FNIP2: variants seen among roughly 807,000 people sequenced by gnomAD.
FNIP2 encodes the protein folliculin interacting protein 2.
A neutral mutation model predicts 108.7 loss-of-function variants in FNIP2; 32 were observed. That is an observed-to-expected ratio of 0.29 (90% CI 0.22 to 0.40). The LOEUF is 0.40. FNIP2 is among the 10% of genes least tolerant of loss of function. The pLI, the probability that FNIP2 is intolerant of heterozygous loss-of-function variation, is 1.00. For missense variants in FNIP2, 1,202 were observed against 1,381.6 expected, an observed-to-expected ratio of 0.87 and a Z score of 2.06; for synonymous variants, 480 against 496.7, an observed-to-expected ratio of 0.97 and a Z score of 0.45.
intron 1 of FNIP2, among the ~76,000 whole-genome samples, chr4:158,784,958 A>AT (rs1776173251): frequency 6.6e-6 from 1 of 152,210 alleles, no homozygotes; most frequent in South Asian, 2.1e-4. Flanking sequence ...CCTGTAGTGT[A>AT]TAGCATAATA....
chr4:158,884,681 G>A (rs1397177362), intron 14 of FNIP2, among the ~76,000 whole-genome samples: 1 of 152,072 alleles, frequency 6.6e-6, no homozygotes, highest in Non-Finnish European at 1.5e-5. Flanking sequence ...CCCAAGACTG[G>A]GTAATTTATA....
chr4:158,816,377 T>G (rs1270092073), intron 1 of FNIP2, among the ~76,000 whole-genome samples: 1 of 152,232 alleles, frequency 6.6e-6, no homozygotes, highest in Non-Finnish European at 1.5e-5. Context: ...GGGAAAGATA[T>G]GAAATCATCT....
Position 158,870,332 on chromosome 4 carries a change from C to A in FNIP2, c.2812C>A (p.Gln938Lys). The change falls in exon 14 of 17, where the codon CAG (glutamine) becomes AAG (lysine). Residue 938 changes from glutamine (Q) to lysine (K), a missense_variant. By Grantham distance (53) the Gln-to-Lys change is moderately conservative (BLOSUM62 1). Around this residue, in one of 5 missense-constraint regions of FNIP2, gnomAD observed 878 missense variants for 990.3 expected, o/e 0.89. Coordinates refer to ENST00000264433, the MANE Select transcript of FNIP2 (RefSeq NM_020840.3). The stretch of plus-strand genomic sequence containing the variant: ...TTTTAGGTCTCAGAGCATCAGCACC[C>A]AGAATGTAAGGAACTTTGGCCGCTC... Reference protein sequence around the residue: ...PLPRSQSISTQNVRNFGRSLL... With the variant: ...PLPRSQSISTKNVRNFGRSLL... The A allele has an allele frequency of 6.2e-7, 1 of 1,613,810 alleles. No individual in the cohort carries two copies. Among genetic ancestry groups the A allele is most frequent in the Admixed American group, 1.7e-5 (1 of 60,016 alleles).
In FNIP2 at chr4:158,851,408, G is replaced by A. The variant is rs1256373490; in HGVS notation, c.815G>A (p.Arg272Gln). ...SSSSYQRRWL[R>Q]SQTTSLENGI... Reference sequence around the variant, plus strand: ...AGCAGTTACCAGCGCCGCTGGCTTCGAAGTCAGACAACAAGTTTGGAAAAT... The same window carrying A: ...AGCAGTTACCAGCGCCGCTGGCTTCAAAGTCAGACAACAAGTTTGGAAAAT... The change falls in exon 8 of 17, where the codon CGA (arginine) becomes CAA (glutamine). Residue 272 changes from arginine to glutamine, a missense_variant. Coordinates refer to ENST00000264433, the MANE Select transcript of FNIP2 (RefSeq NM_020840.3). The A allele has an allele frequency of 3.1e-6, 5 of 1,613,876 alleles. No individual in the cohort carries two copies. The highest frequency in any genetic ancestry group is 2.2e-5 in the East Asian group (1 of 44,884).
chr4:158,859,598 A>G lies in FNIP2; in HGVS notation c.1080A>G (p.Lys360=). 6.2e-7 allele frequency: 1 copy of G among 1,613,434 alleles called. No individual in the cohort carries two copies. The highest frequency in any genetic ancestry group is 8.5e-7 in the Non-Finnish European group (1 of 1,179,626). ...AIEKAMISCR[K]IAESSLRVQF... is the part of the protein sequence containing the mutation. ...TAAAGGCTATGATCTCCTGTAGGAA[A>G]ATAGCAGAATCAAGTCTCCGAGTCC... The change falls in exon 10 of 17, where the codon AAA becomes AAG. Residue 360 remains lysine, a synonymous_variant. Transcript: ENST00000264433.
intron 9 of FNIP2, 52 bp downstream of exon 9, chr4:158,859,310 A>G (rs978341381): frequency 6.6e-7 from 1 of 1,519,800 alleles, no homozygotes; most frequent in African/African-American, 1.4e-5. Context: ...TGGGGCTTTG[A>G]AGATGGCAGA....
chr4:158,904,320 CATCT>C (rs1729634378), intron 16 of FNIP2, 142 bp from the exon 17 acceptor site: 1 of 659,716 alleles, frequency 1.5e-6, no homozygotes, highest in Non-Finnish European at 2.6e-6. Context: ...ATTATCCTTC[CATCT>C]GTTTTGCTTT....
At chr4:158,858,383 A>G (rs1780105457) in intron 8 of FNIP2, among the ~76,000 whole-genome samples, 2 of 152,204 alleles carry the variant, frequency 1.3e-5, no homozygotes, top group African/African-American at 4.8e-5. Context: ...TGGTTAGGCC[A>G]TTTTTGTGAG....
At chr4:158,849,498 T>C (rs1324967330) in intron 7 of FNIP2, among the ~76,000 whole-genome samples, 1 of 152,136 alleles carries the variant, frequency 6.6e-6, no homozygotes, top group Non-Finnish European at 1.5e-5. Flanking sequence ...CTGCCAGAAG[T>C]TGATTTGCTC....
intron 1 of FNIP2, among the ~76,000 whole-genome samples, chr4:158,787,459 A>T (rs1776260606): frequency 6.6e-6 from 1 of 152,206 alleles, no homozygotes; most frequent in Non-Finnish European, 1.5e-5. Flanking sequence ...TTTATTTCCC[A>T]AAGCAGTTAT....
chr4:158,848,523 T>C (rs1242613441), intron 7 of FNIP2, among the ~76,000 whole-genome samples: 1 of 152,154 alleles, frequency 6.6e-6, no homozygotes, highest in African/African-American at 2.4e-5. Flanking sequence ...AAGCCCAGAT[T>C]GTGAAGACTA....
intron 1 of FNIP2, among the ~76,000 whole-genome samples, chr4:158,770,444 A>C (rs1046672176): frequency 6.6e-6 from 1 of 152,206 alleles, no homozygotes; most frequent in African/African-American, 2.4e-5. Context: ...AAAAGTTTCA[A>C]GTGAAACTTT....
intron 16 of FNIP2, 97 bp from the exon 17 acceptor site, chr4:158,904,369 G>T: frequency 9.3e-7 from 1 of 1,076,090 alleles, no homozygotes; most frequent in South Asian, 1.3e-5. Flanking sequence ...ATCAAACTTA[G>T]TACCTAGAAA....
intron 1 of FNIP2, among the ~76,000 whole-genome samples, chr4:158,818,509 G>A (rs1407049658): frequency 6.6e-6 from 1 of 152,194 alleles, no homozygotes; most frequent in Non-Finnish European, 1.5e-5. Flanking sequence ...ACTGATGTGA[G>A]GCTGTTTATA....
chr4:158,896,512 C>T (rs1177771062), intron 16 of FNIP2, among the ~76,000 whole-genome samples: 5 of 152,110 alleles, frequency 3.3e-5, no homozygotes, highest in Non-Finnish European at 7.4e-5. Context: ...GGAACTGCCC[C>T]CGCTTATCCA....
At position 158,868,886 on chromosome 4, in the gene FNIP2, G is replaced by A. The variant is rs1780751792; in HGVS notation, c.2250G>A (p.Glu750=). The change falls in exon 13 of 17, where the codon GAG becomes GAA. Residue 750 remains glutamate (E), a synonymous_variant. Coordinates refer to ENST00000264433, the MANE Select transcript of FNIP2 (RefSeq NM_020840.3). The surrounding 1 kb of genome is among the most constrained non-coding windows in gnomAD (Gnocchi z 4.6). ...TGAAGGCCTGTGGCCCCTCCTTGGA[G>A]GCCAGTGAGGCTGCTGATGTGGCTC... ...ERVKACGPSL[E]ASEAADVAQD... The A allele has an allele frequency of 6.2e-7, 1 of 1,613,874 alleles. No individual in the cohort carries two copies. The highest frequency in any genetic ancestry group is 8.5e-7 in the Non-Finnish European group (1 of 1,179,884).
chr4:158,859,524 G>A, intron 9 of FNIP2, 54 bp from the exon 10 acceptor site: 1 of 1,440,074 alleles, frequency 6.9e-7, no homozygotes, highest in Non-Finnish European at 9.6e-7. Flanking sequence ...CAGCCCAGTA[G>A]ATAAGTTATA....
In FNIP2 at chr4:158,783,751, A is replaced by G. The variant is rs6816709; in HGVS notation, c.107+14432A>G. ...CATTGCTCTAGGCTCTAGGTGGCCTAAAGTCCTCACAGCTGGAATTCTCCA... is the reference window on the plus strand; with the variant it reads ...CATTGCTCTAGGCTCTAGGTGGCCTGAAGTCCTCACAGCTGGAATTCTCCA... On this transcript the variant is annotated intron_variant, in intron 1 of 16. Coordinates refer to ENST00000264433, the MANE Select transcript of FNIP2 (RefSeq NM_020840.3). 7.9e-5 allele frequency among the ~76,000 whole-genome samples: 12 copies of G among 152,328 alleles called. No homozygotes were observed. In the South Asian group the frequency reaches 2.3e-3, roughly 29 times the overall value.
At chr4:158,881,423 TCTTTCCAC>T (rs1781611679) in intron 14 of FNIP2, among the ~76,000 whole-genome samples, 1 of 139,968 alleles carries the variant, frequency 7.1e-6, no homozygotes, top group Non-Finnish European at 1.6e-5. Context: ...CCTCTCCCTC[TCTTTCCAC>T]GGTCTCCCTC....
Sources: allele counts gnomAD v4.1 joint callset (sites outside exome capture counted in the v4.1 genomes callset), GRCh38; gene constraint gnomAD v4.1.1; regional missense constraint gnomAD v4.1.1; non-coding constraint Gnocchi (gnomAD v3.1); transcripts MANE v1.5; gene names NCBI Gene and HGNC (gene_info 2026-07-23, HGNC 2026-07-21).